MTCL2: variants seen among roughly 807,000 people sequenced by gnomAD.
MTCL2 encodes the protein microtubule cross-linking factor 2.
At chr20:36,810,885 A>C in the MTCL2 span, among the ~76,000 whole-genome samples, 1 of 152,050 alleles carries the variant, frequency 6.6e-6, no homozygotes, top group African/African-American at 2.4e-5. Context: ...ACGCCTGGCT[A>C]ATTTTTGTAT....
the MTCL2 span, among the ~76,000 whole-genome samples, chr20:36,842,779 A>T: frequency 1.3e-5 from 2 of 151,436 alleles, no homozygotes; most frequent in African/African-American, 4.9e-5. Context: ...CTCACAAAAT[A>T]AAAAAAAAGA....
At chr20:36,862,427 G>C in the MTCL2 span, among the ~76,000 whole-genome samples, 1 of 152,192 alleles carries the variant, frequency 6.6e-6, no homozygotes, top group Non-Finnish European at 1.5e-5. Flanking sequence ...CCAGGTTAGG[G>C]CCCTGTAGCC....
the MTCL2 span, among the ~76,000 whole-genome samples, chr20:36,800,973 C>A: frequency 6.6e-6 from 1 of 152,230 alleles, no homozygotes; most frequent in African/African-American, 2.4e-5. Flanking sequence ...AGGAATCTAT[C>A]CTACTGAAAT....
the MTCL2 span, among the ~76,000 whole-genome samples, chr20:36,853,403 T>C: frequency 3.9e-5 from 6 of 152,300 alleles, no homozygotes; most frequent in Non-Finnish European, 5.9e-5. Context: ...TCAGGTCCAG[T>C]TGGAGCTCCT....
chr20:36,797,003 A>C, the MTCL2 span: 1 of 1,557,696 alleles, frequency 6.4e-7, no homozygotes, highest in African/African-American at 1.4e-5. Flanking sequence ...CAGAGCACTA[A>C]GGGCATGGAA....
the MTCL2 span, among the ~76,000 whole-genome samples, chr20:36,843,525 A>G: frequency 6.6e-6 from 1 of 151,162 alleles, no homozygotes; most frequent in Non-Finnish European, 1.5e-5. Context: ...ACAGTAAATG[A>G]TCACACCAGT....
At chr20:36,845,798 A>C in the MTCL2 span, among the ~76,000 whole-genome samples, 4 of 151,976 alleles carry the variant, frequency 2.6e-5, no homozygotes, top group Non-Finnish European at 5.9e-5. Context: ...CCTCCATCCC[A>C]GGAGAGCTCT....
chr20:36,787,885 G>GA, the MTCL2 span, among the ~76,000 whole-genome samples: 1,163 of 54,452 alleles, frequency 0.021, 31 homozygotes, highest in African/African-American at 0.049. Flanking sequence ...GACTCCATCT[G>GA]AAAAAAAAAA....
chr20:36,862,927 G>A, the MTCL2 span: 1 of 1,363,050 alleles, frequency 7.3e-7, no homozygotes. Context: ...TCGCTGCTCA[G>A]CGCCAGCTCC....
chr20:36,859,573 C>T, the MTCL2 span: 4 of 1,228,470 alleles, frequency 3.3e-6, no homozygotes, highest in Non-Finnish European at 4.1e-6. Flanking sequence ...GAGCTCACTA[C>T]CTTCTCTGTA....
At chr20:36,850,652 G>A in the MTCL2 span, among the ~76,000 whole-genome samples, 1 of 152,112 alleles carries the variant, frequency 6.6e-6, no homozygotes, top group Non-Finnish European at 1.5e-5. Context: ...CCAAATTATT[G>A]GATTTAATCC....
At chr20:36,787,632 A>G in the MTCL2 span, among the ~76,000 whole-genome samples, 1 of 152,072 alleles carries the variant, frequency 6.6e-6, no homozygotes, top group Admixed American at 6.6e-5. Flanking sequence ...TCATGCCTGT[A>G]ATCCTAGCAC....
chr20:36,825,673 C>T, the MTCL2 span, among the ~76,000 whole-genome samples: 1 of 152,196 alleles, frequency 6.6e-6, no homozygotes, highest in Non-Finnish European at 1.5e-5. Context: ...GGCAGCCTGT[C>T]AGGATGGCAA....
chr20:36,822,231 C>T, the MTCL2 span, among the ~76,000 whole-genome samples: 1 of 152,264 alleles, frequency 6.6e-6, no homozygotes, highest in Admixed American at 6.5e-5. Context: ...CTGTCAGAGC[C>T]CCTTTGTGGA....
chr20:36,839,090 A>G, the MTCL2 span: 1 of 805,234 alleles, frequency 1.2e-6, no homozygotes, highest in African/African-American at 1.7e-5. This position sits in a 1 kb window ranked among gnomAD's most constrained non-coding sequence, Gnocchi z 5.1. Flanking sequence ...TAGATGAGGA[A>G]ACTGAGGCCC....
the MTCL2 span, among the ~76,000 whole-genome samples, chr20:36,852,604 A>G: frequency 5.9e-5 from 9 of 152,208 alleles, no homozygotes; most frequent in African/African-American, 2.2e-4. Flanking sequence ...CAGGGACAGA[A>G]AGGCCTTGAG....
the MTCL2 span, among the ~76,000 whole-genome samples, chr20:36,801,040 CT>C: frequency 1.6e-4 from 24 of 151,640 alleles, no homozygotes; most frequent in African/African-American, 5.8e-4. Flanking sequence ...ACAACTTGAA[CT>C]TTTTTTTTCT....
At chr20:36,785,274 C>A in the MTCL2 span, 2 of 985,258 alleles carry the variant, frequency 2.0e-6, no homozygotes, top group East Asian at 1.1e-4. Flanking sequence ...GGACCCCATG[C>A]CTGCCCGTGC....
chr20:36,790,845 G>A, the MTCL2 span, among the ~76,000 whole-genome samples: 4 of 151,586 alleles, frequency 2.6e-5, 1 homozygote, highest in South Asian at 8.3e-4. Context: ...AAAGTGCTGG[G>A]ATTAGAGACA....
Sources: allele counts gnomAD v4.1 joint callset (sites outside exome capture counted in the v4.1 genomes callset), GRCh38; gene constraint gnomAD v4.1.1; non-coding constraint Gnocchi (gnomAD v3.1); transcripts MANE v1.5; gene names NCBI Gene and HGNC (gene_info 2026-07-23, HGNC 2026-07-21).